The following GAS2 variants were observed in gnomAD, a reference collection of about 807,000 sequenced individuals.
GAS2 encodes growth arrest specific 2, also known as growth arrest-specific protein 2.
In GAS2, 20 loss-of-function variants were observed where a neutral mutation model predicts 37.5. The observed-to-expected ratio is 0.53, with a 90% confidence interval of 0.37 to 0.77. The LOEUF (loss-of-function observed/expected upper bound fraction) is 0.77, where lower values mean the gene tolerates loss of function less well. Ranked by LOEUF, GAS2 falls within the 30% of genes least tolerant of loss-of-function variation. GAS2 has a pLI of 0.00. For missense variants in GAS2, 336 were observed against 373.4 expected (o/e 0.90, Z 0.82); for synonymous variants, 144 against 132.2 (o/e 1.09, Z -0.61).
At chr11:22,664,015 T>A (rs1005238893), upstream of GAS2, among the ~76,000 whole-genome samples, 1 of 152,204 alleles carries the variant, frequency 6.6e-6, no homozygotes, top group African/African-American at 2.4e-5. Flanking sequence ...ATGTATTTTT[T>A]AATACCATTG....
chr11:22,663,022 T>C (rs1848932161), upstream of GAS2, among the ~76,000 whole-genome samples: 4 of 152,122 alleles, frequency 2.6e-5, no homozygotes, highest in Admixed American at 1.3e-4. Flanking sequence ...TCTGCATGGC[T>C]GGGGAGGCCT....
intron 2 of GAS2, among the ~76,000 whole-genome samples, chr11:22,677,192 G>A (rs1275730954): frequency 2.0e-5 from 3 of 152,048 alleles, no homozygotes; most frequent in African/African-American, 7.2e-5. Context: ...GTGGGAGTAG[G>A]GCAAAGGATC....
intron 3 of GAS2, among the ~76,000 whole-genome samples, chr11:22,686,367 C>T (rs1181345441): frequency 6.6e-6 from 1 of 151,322 alleles, no homozygotes. Flanking sequence ...TTGAAGAAAA[C>T]AAGAGAGATT....
chr11:22,726,503 A>G lies in GAS2; in HGVS notation c.409+70A>G, dbSNP rs1006144353. ...ATCTTTTGTCTTTGTCAGTATAGCCATCAAAAAGTTTTTTGTATGATGTCA... is the reference window on the plus strand; with the variant it reads ...ATCTTTTGTCTTTGTCAGTATAGCCGTCAAAAAGTTTTTTGTATGATGTCA... On this transcript the variant is annotated intron_variant, in intron 4 of 7. Transcript: ENST00000454584. The G allele has an allele frequency of 2.3e-5, 32 of 1,415,214 alleles. No individual in the cohort carries two copies. In the African/African-American group the frequency reaches 3.8e-4, roughly 17 times the overall value. 87.7% of individuals were successfully genotyped at this position (1,415,214 alleles called of 1,614,324 possible).
At chr11:22,638,014 C>T (rs181393630) in intron 1 of GAS2, among the ~76,000 whole-genome samples, 5 of 152,020 alleles carry the variant, frequency 3.3e-5, no homozygotes, top group Admixed American at 3.3e-4. Context: ...CATCTAAATG[C>T]ACCCAACTAA....
At chr11:22,676,053 CT>C (rs1849413209) in intron 2 of GAS2, among the ~76,000 whole-genome samples, 1 of 151,978 alleles carries the variant, frequency 6.6e-6, no homozygotes, top group Non-Finnish European at 1.5e-5. Flanking sequence ...TCCTATATTT[CT>C]TTTTTCTTCA....
At chr11:22,741,575 T>A (rs1255308315) in intron 5 of GAS2, among the ~76,000 whole-genome samples, 3 of 152,000 alleles carry the variant, frequency 2.0e-5, no homozygotes, top group African/African-American at 7.3e-5. Context: ...AAATTTATGA[T>A]CATTTAAAAG....
intron 4 of GAS2, 143 bp downstream of exon 4, chr11:22,726,576 A>G: frequency 1.4e-6 from 1 of 691,698 alleles, no homozygotes; most frequent in Non-Finnish European, 2.5e-6. Context: ...GAAATCTTGC[A>G]GGTTTGCTGC....
chr11:22,731,403 T>C, intron 4 of GAS2: 1 of 440,856 alleles, frequency 2.3e-6, no homozygotes, highest in South Asian at 1.6e-5. Flanking sequence ...AAGGGTTTGC[T>C]ATCTGCGGTG....
upstream of GAS2, among the ~76,000 whole-genome samples, chr11:22,665,719 A>T (rs974224704): frequency 6.6e-6 from 1 of 152,226 alleles, no homozygotes; most frequent in Non-Finnish European, 1.5e-5. Context: ...CAAATAACTG[A>T]TGCAGTTTCT....
intron 2 of GAS2, among the ~76,000 whole-genome samples, chr11:22,678,028 T>C (rs1013366747): frequency 2.6e-5 from 4 of 152,130 alleles, no homozygotes; most frequent in Admixed American, 1.3e-4. Flanking sequence ...ACAAATGCAA[T>C]TGATGGTTTA....
intron 5 of GAS2, among the ~76,000 whole-genome samples, chr11:22,745,645 G>A (rs1306973919): frequency 6.6e-6 from 1 of 152,060 alleles, no homozygotes; most frequent in Non-Finnish European, 1.5e-5. Context: ...TAAATTCAAT[G>A]GAGTAAGAAG....
chr11:22,793,307 T>A (rs1295221911), intron 7 of GAS2, among the ~76,000 whole-genome samples: 3 of 152,000 alleles, frequency 2.0e-5, no homozygotes, highest in Non-Finnish European at 2.9e-5. Context: ...ATTAAAAAAA[T>A]TTTAAAAAGA....
chr11:22,784,956 A>G (rs116592741), intron 7 of GAS2, among the ~76,000 whole-genome samples: 10 of 152,256 alleles, frequency 6.6e-5, no homozygotes, highest in African/African-American at 2.4e-4. Context: ...AGTAAACCTG[A>G]CACAGGCAAT....
intron 3 of GAS2, among the ~76,000 whole-genome samples, chr11:22,725,507 C>T (rs1328837148): frequency 6.6e-6 from 1 of 152,140 alleles, no homozygotes; most frequent in Non-Finnish European, 1.5e-5. Context: ...AGGTTCACTG[C>T]AGCCTCAACT....
At chr11:22,794,110 A>T (rs1482307329) in intron 7 of GAS2, among the ~76,000 whole-genome samples, 1 of 149,586 alleles carries the variant, frequency 6.7e-6, no homozygotes, top group Admixed American at 6.7e-5. Flanking sequence ...TAATAAAACA[A>T]TTTTTTTTTT....
intron 1 of GAS2, among the ~76,000 whole-genome samples, chr11:22,668,896 T>C (rs1013550960): frequency 6.6e-6 from 1 of 152,226 alleles, no homozygotes; most frequent in African/African-American, 2.4e-5. Context: ...AGGATCCAAC[T>C]GTTTCTTTAA....
chr11:22,798,080 T>C lies in GAS2; in HGVS notation c.724-13718T>C, dbSNP rs7929861. ...TTCAAATCTGAACTTCGTTGCTTCT[T>C]AGCTAGGTGACCTTGGGCAATTCAC... is the stretch of plus-strand genomic sequence containing the variant. On this transcript the variant is annotated intron_variant, in intron 7 of 7. Transcript: ENST00000454584. Among the ~76,000 whole-genome samples, 560 of 152,204 alleles carry C rather than the reference T, an allele frequency of 3.7e-3. 1 individual carries two copies. Among genetic ancestry groups the C allele is most frequent in the African/African-American group, 0.012 (505 of 41,540 alleles).
At chr11:22,701,631 C>A (rs1850847679) in intron 3 of GAS2, among the ~76,000 whole-genome samples, 1 of 152,144 alleles carries the variant, frequency 6.6e-6, no homozygotes, top group Non-Finnish European at 1.5e-5. Flanking sequence ...GAGTTCAAGA[C>A]CACCCTGGCC....
Sources: allele counts gnomAD v4.1 joint callset (sites outside exome capture counted in the v4.1 genomes callset), GRCh38; gene constraint gnomAD v4.1.1; transcripts MANE v1.5; gene names NCBI Gene and HGNC (gene_info 2026-07-23, HGNC 2026-07-21).